NCR1: variants seen among roughly 807,000 people sequenced by gnomAD.
NCR1 encodes the protein NK cell-activating receptor.
Under a neutral mutation model 32.5 loss-of-function variants are expected in NCR1, and 30 were observed. The observed-to-expected ratio is 0.92, with a 90% CI of 0.69 to 1.25. The LOEUF (loss-of-function observed/expected upper bound fraction) is 1.25. NCR1 is among the 50% of genes most tolerant of loss of function. NCR1 has a pLI of 0.00. For missense variants in NCR1, 369 were observed against 380.7 expected (o/e 0.97, Z 0.26); for synonymous variants, 169 against 143.4 (o/e 1.18, Z -1.28).
upstream of NCR1, among the ~76,000 whole-genome samples, chr19:54,903,873 C>A (rs933247315): frequency 2.7e-5 from 4 of 150,882 alleles, no homozygotes; most frequent in African/African-American, 9.7e-5. Flanking sequence ...ACCTGTAATC[C>A]CAGCACTTTG....
upstream of NCR1, among the ~76,000 whole-genome samples, chr19:54,902,712 A>C (rs1421116283): frequency 6.6e-6 from 1 of 152,182 alleles, no homozygotes; most frequent in African/African-American, 2.4e-5. Context: ...GATCCAGCCT[A>C]CATAAGTCTC....
intron 3 of NCR1, among the ~76,000 whole-genome samples, chr19:54,908,349 T>A (rs2067745751): frequency 6.6e-6 from 1 of 152,212 alleles, no homozygotes; most frequent in African/African-American, 2.4e-5. Context: ...AGAATTTGTC[T>A]TAGTACAGAA....
chr19:54,934,362 G>T, the NCR1 span: 1 of 933,574 alleles, frequency 1.1e-6, no homozygotes. This position sits in a 1 kb window ranked among gnomAD's most constrained non-coding sequence, Gnocchi z 6.7. Context: ...CCACCGTGCC[G>T]GGCCTGAAGC....
the NCR1 span, among the ~76,000 whole-genome samples, chr19:54,928,771 C>T: frequency 6.6e-6 from 1 of 151,504 alleles, no homozygotes; most frequent in Non-Finnish European, 1.5e-5. Flanking sequence ...CGAGGATCCC[C>T]CATAAGGCCC....
rs1453420098 is a variant in NCR1, at chr19:54,909,418, C to A, written c.529C>A (p.Leu177Met). 27 of 1,613,732 alleles carry A rather than the reference C, an allele frequency of 1.7e-5. No individual in the cohort carries two copies. Among genetic ancestry groups the A allele is most frequent in the Non-Finnish European group, 2.2e-5 (26 of 1,180,048 alleles). The part of the protein sequence containing the change: ...GYGKVQAEFP[L>M]GPVTTAHRGT... ...CGGGAAGGTCCAGGCGGAGTTCCCC[C>A]TGGGCCCTGTGACCACAGCCCACAG... The change falls in exon 4 of 7, where the codon CTG becomes ATG. Residue 177 changes from leucine (L) to methionine (M), a missense_variant. Physicochemically the swap from Leu to Met is conservative, Grantham distance 15. Transcript: ENST00000291890.
intron 3 of NCR1, among the ~76,000 whole-genome samples, chr19:54,909,000 T>A (rs1399620293): frequency 2.2e-5 from 3 of 138,582 alleles, no homozygotes; most frequent in African/African-American, 8.1e-5. Flanking sequence ...AAATAATAAT[T>A]AAAAAAAAAA....
At chr19:54,927,496 C>T in the NCR1 span, 16 of 1,050,814 alleles carry the variant, frequency 1.5e-5, no homozygotes, top group Middle Eastern at 2.2e-4. Context: ...GCAGAGGTTG[C>T]GGTGAGCCAA....
At chr19:54,930,384 C>G in the NCR1 span, 3 of 739,636 alleles carry the variant, frequency 4.1e-6, no homozygotes, top group Admixed American at 2.0e-5. Context: ...ACCGATCAAG[C>G]CTGGAAGACC....
At chr19:54,930,768 T>C in the NCR1 span, 11 of 961,374 alleles carry the variant, frequency 1.1e-5, no homozygotes, top group Non-Finnish European at 1.7e-5. Flanking sequence ...TATACTGGAA[T>C]GCAGTGCTGC....
rs769898323 is a variant in NCR1, at chr19:54,906,615, G to A, written c.163G>A (p.Ala55Thr). The A allele has an allele frequency of 1.2e-6, 2 of 1,614,204 alleles. No individual in the cohort carries two copies. The highest frequency in any genetic ancestry group is 2.2e-5 in the East Asian group (1 of 44,886). ...VTICCQGNYGAVEYQLHFEGS... is the reference protein window; with the variant it reads ...VTICCQGNYGTVEYQLHFEGS... ...CATCTGTTGCCAGGGAAATTATGGG[G>A]CTGTTGAATACCAGCTGCACTTTGA... The change falls in exon 3 of 7, where the codon GCT (alanine) becomes ACT (threonine). Residue 55 changes from alanine to threonine, a missense_variant. Ala to Thr is a moderately conservative substitution (Grantham distance 58). Transcript: ENST00000291890.
chr19:54,919,122 A>G (rs1204013925), downstream of NCR1, among the ~76,000 whole-genome samples: 1 of 152,114 alleles, frequency 6.6e-6, no homozygotes, highest in Admixed American at 6.5e-5. Flanking sequence ...CATAGACACC[A>G]CGTTTTCTTT....
chr19:54,929,916 C>T, the NCR1 span, among the ~76,000 whole-genome samples: 19 of 144,280 alleles, frequency 1.3e-4, no homozygotes, highest in Non-Finnish European at 2.4e-4. Flanking sequence ...AGATCGAGAC[C>T]ATCCTGGCTA....
chr19:54,911,073 G>A (rs894216258), intron 5 of NCR1, among the ~76,000 whole-genome samples: 5 of 152,256 alleles, frequency 3.3e-5, no homozygotes, highest in Middle Eastern at 3.4e-3. Context: ...GAGGCCCGGC[G>A]CGGTGGCTCA....
chr19:54,912,467 C>T lies in NCR1; in HGVS notation c.734-223C>T, dbSNP rs3826882. ...CAAAAAAATTAGCCAGGCGTGGTGG[C>T]GTGTGCCTGTAGTCCCAGCTACTTG... is the stretch of plus-strand genomic sequence containing the variant. On this transcript the variant is annotated intron_variant, in intron 6 of 6. Transcript: ENST00000291890. Among the ~76,000 whole-genome samples the T allele has an allele frequency of 0.12, 18,193 of 151,126 alleles. 1,896 individuals are homozygous for T. Among genetic ancestry groups the T allele is most frequent in the East Asian group, 0.52 (2,637 of 5,070 alleles).
chr19:54,905,925 T>C (rs1453240107), upstream of NCR1, among the ~76,000 whole-genome samples: 1 of 152,180 alleles, frequency 6.6e-6, no homozygotes, highest in East Asian at 1.9e-4. Context: ...ATTGAGAAGT[T>C]GACCCAGAAA....
chr19:54,924,968 AAACCTTCAGTAG>A, the NCR1 span, among the ~76,000 whole-genome samples: 1 of 152,128 alleles, frequency 6.6e-6, no homozygotes. Flanking sequence ...GTGGCAAATC[AAACCTTCAGTAG>A]AACTAAGAGA....
At chr19:54,903,809 A>T (rs764751820), upstream of NCR1, among the ~76,000 whole-genome samples, 10 of 151,504 alleles carry the variant, frequency 6.6e-5, no homozygotes, top group Non-Finnish European at 1.5e-4. Context: ...TATTAAGTGG[A>T]GAGTTAGTTA....
chr19:54,913,022 A>AT lies in NCR1; in HGVS notation c.*152dup, dbSNP rs2068055407. The AT allele has an allele frequency of 3.1e-6, 2 of 640,174 alleles. No individual in the cohort carries two copies. Among genetic ancestry groups the AT allele is most frequent in the Non-Finnish European group, 5.1e-6 (2 of 389,010 alleles). The allele number at this position is 640,174 out of a possible 1,614,324, so 39.7% of individuals were successfully genotyped here. The stretch of plus-strand genomic sequence containing the variant: ...TCCATTTGTCAGAGCATCCCGGACG[A>AT]TGCAGAGGGTGGGAGAACTACATGC... On this transcript the variant is annotated 3_prime_UTR_variant, in exon 7 of 7. Transcript: ENST00000291890.
chr19:54,918,227 C>T (rs957321822), downstream of NCR1, among the ~76,000 whole-genome samples: 14 of 151,886 alleles, frequency 9.2e-5, no homozygotes, highest in South Asian at 1.0e-3. Flanking sequence ...CCACCGCACC[C>T]GGCCTTATTC....
Sources: allele counts gnomAD v4.1 joint callset (sites outside exome capture counted in the v4.1 genomes callset), GRCh38; gene constraint gnomAD v4.1.1; non-coding constraint Gnocchi (gnomAD v3.1); transcripts MANE v1.5; gene names NCBI Gene and HGNC (gene_info 2026-07-23, HGNC 2026-07-21).